PTPN2: variants seen among roughly 807,000 people sequenced by gnomAD.
PTPN2 encodes the protein tyrosine-protein phosphatase non-receptor type 2.
In PTPN2, 19 loss-of-function variants were observed where a neutral mutation model predicts 57.3. That is an observed-to-expected ratio of 0.33 (90% CI 0.23 to 0.49). PTPN2 has a LOEUF of 0.49. Ranked by LOEUF, PTPN2 falls within the 20% of genes least tolerant of loss-of-function variation. The pLI is 0.99. For synonymous variants in PTPN2, 153 were observed against 164.9 expected (o/e 0.93, Z 0.55); for missense variants, 358 against 501.1 (o/e 0.71, Z 2.73).
At position 12,840,705 on chromosome 18, in the gene PTPN2, A is replaced by G. The variant is rs1248806977; in HGVS notation, c.161-3814T>C. 1.9e-6 allele frequency: 3 copies of G among 1,598,116 alleles called. No individual in the cohort carries two copies. In the South Asian group the frequency reaches 3.3e-5, roughly 18 times the overall value. Reference sequence around the variant, plus strand: ...ATGAAACCTAGATTTGTGCAATTTAAGAGATTACCTATTTCCTGCATTCTG... The same window carrying G: ...ATGAAACCTAGATTTGTGCAATTTAGGAGATTACCTATTTCCTGCATTCTG... On this transcript the variant is annotated intron_variant, in intron 2 of 8. Transcript: ENST00000309660.
chr18:12,856,613 T>C (rs1014659500), intron 2 of PTPN2, among the ~76,000 whole-genome samples: 7 of 152,294 alleles, frequency 4.6e-5, no homozygotes, highest in Admixed American at 1.3e-4. Flanking sequence ...ACGCATATTT[T>C]AAAGAGTCTC....
At chr18:12,807,933 TAGC>T (rs954117582) in intron 7 of PTPN2, among the ~76,000 whole-genome samples, 1 of 152,044 alleles carries the variant, frequency 6.6e-6, no homozygotes, top group Non-Finnish European at 1.5e-5. Flanking sequence ...CCTGCAATTC[TAGC>T]AGTTTGGGAG....
In PTPN2 at chr18:12,871,724, T is replaced by C. The variant is rs557183819; in HGVS notation, c.69+12349A>G. On this transcript the variant is annotated intron_variant, in intron 1 of 8. Transcript: ENST00000309660. ...TTTATGGTTTCATTTCTTTTATGTT[T>C]AGATTATTGCCCAACCGGGACTTTA... 3.3e-5 allele frequency among the ~76,000 whole-genome samples: 5 copies of C among 152,290 alleles called. No individual in the cohort carries two copies. In the East Asian group the frequency reaches 9.6e-4, roughly 29 times the overall value.
intron 5 of PTPN2, among the ~76,000 whole-genome samples, chr18:12,820,195 C>T (rs925284852): frequency 3.3e-5 from 5 of 152,158 alleles, no homozygotes; most frequent in African/African-American, 1.2e-4. Context: ...CCCAGAAATG[C>T]TCATGACTAT....
intron 2 of PTPN2, among the ~76,000 whole-genome samples, chr18:12,857,604 A>AATT (rs941189140): frequency 6.6e-6 from 1 of 152,212 alleles, no homozygotes; most frequent in African/African-American, 2.4e-5. Context: ...AACATTAGAG[A>AATT]ATTATTCTCT....
chr18:12,883,253 T>C (rs1185733669), intron 1 of PTPN2, among the ~76,000 whole-genome samples: 2 of 152,224 alleles, frequency 1.3e-5, no homozygotes, highest in Non-Finnish European at 2.9e-5. Flanking sequence ...AGGGAAAGTA[T>C]ACCTCAGTAA....
At chr18:12,856,867 C>G (rs2043606583) in intron 2 of PTPN2, among the ~76,000 whole-genome samples, 1 of 151,748 alleles carries the variant, frequency 6.6e-6, no homozygotes, top group African/African-American at 2.4e-5. Context: ...CAAGACCAGC[C>G]TGGCCAACAT....
intron 2 of PTPN2, among the ~76,000 whole-genome samples, chr18:12,847,555 C>A (rs1278848214): frequency 6.6e-6 from 1 of 152,072 alleles, no homozygotes; most frequent in East Asian, 1.9e-4. Flanking sequence ...GCATCAATAG[C>A]CCGCAGGAAT....
At chr18:12,879,540 T>A (rs1252545843) in intron 1 of PTPN2, among the ~76,000 whole-genome samples, 1 of 152,350 alleles carries the variant, frequency 6.6e-6, no homozygotes, top group Admixed American at 6.5e-5. Flanking sequence ...GCACTGGCAG[T>A]GCCTTCATGA....
At chr18:12,822,676 G>A (rs1190419439) in intron 5 of PTPN2, among the ~76,000 whole-genome samples, 3 of 152,114 alleles carry the variant, frequency 2.0e-5, no homozygotes, top group South Asian at 2.1e-4. Context: ...GCACCCCAGC[G>A]ACTCCAATAA....
chr18:12,845,978 C>G (rs2043192124), intron 2 of PTPN2, among the ~76,000 whole-genome samples: 1 of 152,192 alleles, frequency 6.6e-6, no homozygotes, highest in Non-Finnish European at 1.5e-5. Flanking sequence ...CAAAAGGATA[C>G]AATCTGTTCT....
downstream of PTPN2, among the ~76,000 whole-genome samples, chr18:12,790,984 A>T (rs572655225): frequency 1.3e-5 from 2 of 152,220 alleles, no homozygotes; most frequent in Non-Finnish European, 2.9e-5. Context: ...CTAACACAAG[A>T]AATGGTCTAA....
chr18:12,790,054 T>C (rs2040944503), downstream of PTPN2, among the ~76,000 whole-genome samples: 1 of 151,988 alleles, frequency 6.6e-6, no homozygotes. Flanking sequence ...TGCCTCAGCC[T>C]CTTGAGTAGC....
intron 1 of PTPN2, among the ~76,000 whole-genome samples, chr18:12,871,843 T>C (rs561573976): frequency 1.3e-5 from 2 of 149,804 alleles, no homozygotes; most frequent in South Asian, 4.2e-4. Context: ...AAGTCAGGAG[T>C]TCAAGACCAG....
In PTPN2 at chr18:12,870,393, G is replaced by GTA. The variant is rs1420951193; in HGVS notation, c.70-11141_70-11140dup. ...TATATACATATATATACGTATATAT[G>GTA]TATATATACACGTATATATATGTAT... On this transcript the variant is annotated intron_variant, in intron 1 of 8. Coordinates refer to ENST00000309660, the MANE Select transcript of PTPN2 (RefSeq NM_002828.4). Among the ~76,000 whole-genome samples, 8 of 37,842 alleles carry GTA rather than the reference G, an allele frequency of 2.1e-4. 1 individual carries two copies. Among genetic ancestry groups the GTA allele is most frequent in the Admixed American group, 5.4e-4 (2 of 3,674 alleles). The allele number at this position is 37,842 out of a possible 152,430, so 24.8% of individuals were successfully genotyped here.
intron 3 of PTPN2, among the ~76,000 whole-genome samples, chr18:12,836,180 A>T (rs1258965882): frequency 1.3e-5 from 2 of 152,256 alleles, no homozygotes; most frequent in African/African-American, 4.8e-5. Context: ...AATAAAGAGT[A>T]GCTGTGGATA....
intron 8 of PTPN2, among the ~76,000 whole-genome samples, chr18:12,798,007 T>C (rs77918309): frequency 0.022 from 3,380 of 152,288 alleles, 120 homozygotes; most frequent in African/African-American, 0.078. Flanking sequence ...ATTACAGGCA[T>C]GAGCCACTCT....
intron 9 of PTPN2, chr18:12,787,023 A>G (rs185378049): frequency 2.2e-4 from 34 of 152,348 alleles, no homozygotes; most frequent in Admixed American, 1.8e-3. Context: ...TGCATCCAGA[A>G]GTCTTTTTAA....
rs62097818 is a variant in PTPN2 at position 12,833,978 on chromosome 18, G to A, written c.261+2813C>T. On this transcript the variant is annotated intron_variant, in intron 3 of 8. Coordinates refer to ENST00000309660, the MANE Select transcript of PTPN2 (RefSeq NM_002828.4). ...GCCAGACACAGGCTTCTGAGTTCTC[G>A]CATTAAATGGGCAGGGCTCCTTCAG... is the stretch of plus-strand genomic sequence containing the variant. 4.8e-3 allele frequency among the ~76,000 whole-genome samples: 726 copies of A among 152,244 alleles called. 7 individuals carry two copies. The highest frequency in any genetic ancestry group is 0.017 in the South Asian group (84 of 4,822).
Sources: allele counts gnomAD v4.1 joint callset (sites outside exome capture counted in the v4.1 genomes callset), GRCh38; gene constraint gnomAD v4.1.1; transcripts MANE v1.5; gene names NCBI Gene and HGNC (gene_info 2026-07-23, HGNC 2026-07-21).